Variants in THSD4 observed in about 807,000 individuals in gnomAD.
THSD4 encodes the protein thrombospondin type 1 domain containing 4, also known as thrombospondin type-1 domain-containing protein 4.
In THSD4, 69 loss-of-function variants were observed where a neutral mutation model predicts 119.0. The observed-to-expected ratio is 0.58, with a 90% confidence interval of 0.48 to 0.71. THSD4 has a LOEUF of 0.71. THSD4 is among the 30% of genes least tolerant of loss of function. The pLI, the probability that THSD4 is intolerant of heterozygous loss-of-function variation, is 0.00. For missense variants in THSD4, 1,393 were observed against 1,391.1 expected (o/e 1.00, Z -0.02); for synonymous variants, 524 against 540.4 (o/e 0.97, Z 0.42).
chr15:71,561,727 T>C lies in THSD4; in HGVS notation c.1153-98803T>C, dbSNP rs1441687447. On this transcript the variant is annotated intron_variant, in intron 7 of 17. Coordinates refer to ENST00000261862, the MANE Select transcript of THSD4 (RefSeq NM_024817.3). ...TAAAATGGAATGACAGAGTGAGCAG[T>C]TGAGAAAGAAGAAAGAGCAAAAACC... 3.3e-5 allele frequency among the ~76,000 whole-genome samples: 5 copies of C among 151,944 alleles called. 1 individual carries two copies. The highest frequency in any genetic ancestry group is 3.3e-4 in the Admixed American group (5 of 15,274).
At chr15:71,648,239 C>G (rs2051011267) in intron 7 of THSD4, among the ~76,000 whole-genome samples, 1 of 152,136 alleles carries the variant, frequency 6.6e-6, no homozygotes, top group Admixed American at 6.5e-5. Context: ...AGGTAAGGTG[C>G]CAAGCACATG....
chr15:71,478,760 G>A (rs906260173), intron 7 of THSD4, among the ~76,000 whole-genome samples: 13 of 152,298 alleles, frequency 8.5e-5, no homozygotes, highest in African/African-American at 3.1e-4. Flanking sequence ...GGAAGACTCT[G>A]GCAACCAAAT....
intron 6 of THSD4, among the ~76,000 whole-genome samples, chr15:71,326,108 G>A (rs1002209947): frequency 6.6e-6 from 1 of 152,176 alleles, no homozygotes; most frequent in Admixed American, 6.5e-5. Context: ...ATAGCACGAA[G>A]TAGATGGCGT....
intron 16 of THSD4, among the ~76,000 whole-genome samples, chr15:71,766,192 T>C (rs572987457): frequency 6.6e-6 from 1 of 152,214 alleles, no homozygotes; most frequent in South Asian, 2.1e-4. Context: ...GTGATAAGAT[T>C]CATTTTTTTC....
Position 71,702,332 on chromosome 15 carries a change from C to A in THSD4, c.1358-26217C>A, listed in dbSNP as rs538918693. ...TTGATTCATTTCATCATTTTGAACT[C>A]ATTGTTTTAATTACATTGAATCTTT... On this transcript the variant is annotated intron_variant, in intron 8 of 17. Transcript: ENST00000261862. 5.3e-5 allele frequency among the ~76,000 whole-genome samples: 8 copies of A among 152,284 alleles called. 1 individual carries two copies. Among genetic ancestry groups the A allele is most frequent in the African/African-American group, 1.9e-4 (8 of 41,562 alleles).
intron 7 of THSD4, among the ~76,000 whole-genome samples, chr15:71,587,341 C>T (rs1370450710): frequency 8.2e-6 from 1 of 121,724 alleles, no homozygotes; most frequent in African/African-American, 2.8e-5. Context: ...TATTGCAGCA[C>T]TATTCACAAT....
chr15:71,560,989 T>C (rs1042899929), intron 7 of THSD4, among the ~76,000 whole-genome samples: 13 of 128,492 alleles, frequency 1.0e-4, no homozygotes, highest in African/African-American at 3.4e-4. Flanking sequence ...TTTTTTTTTT[T>C]TTTGAGATGG....
intron 7 of THSD4, among the ~76,000 whole-genome samples, chr15:71,591,388 G>C (rs76395280): frequency 6.9e-4 from 105 of 152,298 alleles, no homozygotes; most frequent in African/African-American, 2.4e-3. Context: ...GTTTATGCAT[G>C]TCACAAACAT....
At position 71,328,899 on chromosome 15, in the gene THSD4, G is replaced by A. The variant is rs535454176; in HGVS notation, c.1015+72184G>A. On this transcript the variant is annotated intron_variant, in intron 6 of 17. Transcript: ENST00000261862. ...CCAAGCTTTGCGGTTCAAGTGGCCC[G>A]TGCTTGCTGGGCCTCAGTTTCCTGA... is the stretch of plus-strand genomic sequence containing the variant. Among the ~76,000 whole-genome samples, 13 of 152,342 alleles carry A rather than the reference G, an allele frequency of 8.5e-5. No homozygotes were observed. In the South Asian group the frequency reaches 1.0e-3, roughly 12 times the overall value.
Position 71,395,914 on chromosome 15 carries a change from G to GAGAGACAC in THSD4, c.1016-15772_1016-15771insGAGACACA, listed in dbSNP as rs535919434. Among the ~76,000 whole-genome samples the GAGAGACAC allele has an allele frequency of 1.3e-3, 178 of 133,370 alleles. 1 individual carries two copies. Among genetic ancestry groups the GAGAGACAC allele is most frequent in the South Asian group, 2.5e-3 (10 of 3,972 alleles). 87.5% of individuals were successfully genotyped at this position (133,370 alleles called of 152,430 possible). A position where few individuals can be genotyped will look rare whatever the true frequency, so the allele number is the denominator to read the frequency against. On this transcript the variant is annotated intron_variant, in intron 6 of 17. Transcript: ENST00000261862. ...TCTGCTTCTCAGTGTTTTGAAGAGA[G>GAGAGACAC]ACACACACACACACACACACACACA...
intron 7 of THSD4, among the ~76,000 whole-genome samples, chr15:71,527,943 T>C (rs1034390710): frequency 2.6e-5 from 4 of 152,076 alleles, no homozygotes; most frequent in Non-Finnish European, 5.9e-5. Flanking sequence ...CTCAAACTCC[T>C]GGGCTCAAGC....
intron 7 of THSD4, among the ~76,000 whole-genome samples, chr15:71,463,976 C>T (rs1471648019): frequency 6.6e-6 from 1 of 152,110 alleles, no homozygotes. Flanking sequence ...CTGCACAAAC[C>T]CCCAAACTCC....
At chr15:71,610,832 G>A (rs2050209747) in intron 7 of THSD4, among the ~76,000 whole-genome samples, 1 of 152,210 alleles carries the variant, frequency 6.6e-6, no homozygotes. Flanking sequence ...GCAGAGAGCA[G>A]TAGGGGCAGT....
intron 6 of THSD4, among the ~76,000 whole-genome samples, chr15:71,323,096 T>TAAAAAA (rs34395762): frequency 1.0e-5 from 1 of 98,544 alleles, no homozygotes; most frequent in African/African-American, 4.2e-5. Flanking sequence ...GACCCTGTCT[T>TAAAAAA]AAAAAAAAAA....
intron 6 of THSD4, among the ~76,000 whole-genome samples, chr15:71,402,356 C>T (rs1285341776): frequency 1.3e-5 from 2 of 152,128 alleles, no homozygotes; most frequent in Non-Finnish European, 2.9e-5. Context: ...AGATTAATAA[C>T]CATTGCTTAC....
chr15:71,560,148 G>A (rs2049090267), intron 7 of THSD4, among the ~76,000 whole-genome samples: 1 of 152,126 alleles, frequency 6.6e-6, no homozygotes, highest in African/African-American at 2.4e-5. Context: ...TTAATATGAA[G>A]CAACAGAAAG....
At chr15:71,531,050 T>G (rs1226995262) in intron 7 of THSD4, among the ~76,000 whole-genome samples, 1 of 152,084 alleles carries the variant, frequency 6.6e-6, no homozygotes, top group Non-Finnish European at 1.5e-5. Context: ...GAGTGGTCCT[T>G]GGCCAGGCAA....
At chr15:71,493,535 T>G (rs1000785672) in intron 7 of THSD4, among the ~76,000 whole-genome samples, 1 of 152,208 alleles carries the variant, frequency 6.6e-6, no homozygotes, top group African/African-American at 2.4e-5. Context: ...AAGCTTAATG[T>G]GTTGCTGTGG....
At chr15:71,593,829 G>A (rs1483831893) in intron 7 of THSD4, among the ~76,000 whole-genome samples, 2 of 152,088 alleles carry the variant, frequency 1.3e-5, no homozygotes, top group African/African-American at 4.8e-5. Context: ...GCTTGAGCCT[G>A]GGAGGTCGAG....
Sources: gnomAD v4.1 joint callset for allele counts (sites outside exome capture counted in the v4.1 genomes callset) on GRCh38, gnomAD v4.1.1 for gene constraint, MANE v1.5 for transcripts, NCBI Gene and HGNC (gene_info 2026-07-23, HGNC 2026-07-21) for gene names.